TRIM37: variants seen among roughly 807,000 people sequenced by gnomAD.
TRIM37 encodes the protein E3 ubiquitin-protein ligase TRIM37.
TRIM37 carries 80 observed loss-of-function variants against 129.8 expected under a neutral mutation model. The ratio of observed to expected loss-of-function variants is 0.62; its 90% CI spans 0.51 to 0.74. TRIM37 has a LOEUF of 0.74. Ranked by LOEUF, TRIM37 falls within the 30% of genes least tolerant of loss-of-function variation. The pLI is 0.00. For missense variants in TRIM37, 1,054 were observed against 1,176.5 expected, an observed-to-expected ratio of 0.90 and a Z score of 1.52; for synonymous variants, 389 against 387.1, an observed-to-expected ratio of 1.00 and a Z score of -0.06.
At chr17:59,058,356 A>G (rs981928873) in intron 12 of TRIM37, among the ~76,000 whole-genome samples, 14 of 152,182 alleles carry the variant, frequency 9.2e-5, no homozygotes, top group African/African-American at 2.9e-4. Context: ...ACAAAGAAGG[A>G]AACAACAGAC....
At chr17:59,011,579 T>C (rs1183693997) in intron 22 of TRIM37, among the ~76,000 whole-genome samples, 9 of 152,228 alleles carry the variant, frequency 5.9e-5, no homozygotes, top group African/African-American at 1.9e-4. Context: ...CATTCTTTTC[T>C]ACCAATTTAT....
In TRIM37 at chr17:58,991,465, G is replaced by A. The variant is rs535183605; in HGVS notation, c.2891+7916C>T. On this transcript the variant is annotated intron_variant, in intron 24 of 24. Coordinates refer to the TRIM37 transcript ENST00000393066. ...ACAGGAGAATCGCTTCAACCTGGGA[G>A]GTGGAGGTTCCAGTGAGCCGAGATA... is the stretch of plus-strand genomic sequence containing the variant. 7.2e-4 allele frequency among the ~76,000 whole-genome samples: 110 copies of A among 152,226 alleles called. 1 individual carries two copies. Among genetic ancestry groups the A allele is most frequent in the African/African-American group, 2.6e-3 (108 of 41,546 alleles).
At position 59,096,083 on chromosome 17, in the gene TRIM37, A is replaced by T. The variant is rs145496628; in HGVS notation, c.124-4743T>A. Among the ~76,000 whole-genome samples the T allele has an allele frequency of 2.4e-3, 358 of 152,284 alleles. 4 individuals carry two copies. Among genetic ancestry groups the T allele is most frequent in the African/African-American group, 8.2e-3 (342 of 41,542 alleles). ...ATAACAAAAGTCCACTTCTTATGGT[A>T]TGTCTACCAAAGAAAGGGAAAAGCT... On this transcript the variant is annotated intron_variant, in intron 2 of 23. Transcript: ENST00000262294.
At chr17:59,071,985 C>A (rs1045291027) in intron 8 of TRIM37, among the ~76,000 whole-genome samples, 2 of 152,154 alleles carry the variant, frequency 1.3e-5, no homozygotes, top group African/African-American at 4.8e-5. Flanking sequence ...CCCTTTCCTC[C>A]ATAATTTATA....
chr17:59,094,096 C>T (rs1461308710), intron 2 of TRIM37, among the ~76,000 whole-genome samples: 1 of 152,032 alleles, frequency 6.6e-6, no homozygotes, highest in Non-Finnish European at 1.5e-5. Context: ...GGTTTTCCCA[C>T]GTTGGCCAGG....
At chr17:59,077,843 G>A (rs898651892) in intron 7 of TRIM37, among the ~76,000 whole-genome samples, 1 of 146,382 alleles carries the variant, frequency 6.8e-6, no homozygotes, top group Non-Finnish European at 1.5e-5. Context: ...AGTGGCAGAG[G>A]TCAGGTGTGG....
the TRIM37 span, among the ~76,000 whole-genome samples, chr17:58,968,065 G>A: frequency 6.6e-6 from 1 of 152,254 alleles, no homozygotes; most frequent in East Asian, 1.9e-4. Flanking sequence ...GCCTCTCAAA[G>A]TGCTGGAATT....
chr17:58,982,200 G>A (rs2031395625), downstream of TRIM37: 1 of 152,650 alleles, frequency 6.6e-6, no homozygotes, highest in Admixed American at 6.5e-5. Flanking sequence ...GCTTCAGACT[G>A]CAGAGACAGG....
intron 12 of TRIM37, 41 bp downstream of exon 12, chr17:59,060,991 G>C: frequency 2.0e-6 from 3 of 1,489,058 alleles, no homozygotes; most frequent in Non-Finnish European, 2.8e-6. Flanking sequence ...GGGAAGGTAT[G>C]TAAATGCACA....
chr17:58,994,331 C>T (rs1030445156), downstream of TRIM37, among the ~76,000 whole-genome samples: 2 of 152,116 alleles, frequency 1.3e-5, no homozygotes, highest in African/African-American at 4.8e-5. Context: ...CAACAATAGA[C>T]AGAATTTATT....
At chr17:59,047,136 G>A (rs1015802947) in intron 16 of TRIM37, among the ~76,000 whole-genome samples, 3 of 150,280 alleles carry the variant, frequency 2.0e-5, no homozygotes, top group Non-Finnish European at 4.4e-5. Context: ...CTGGGCGACA[G>A]AGCGAGACTC....
At chr17:59,021,284 A>T (rs2036570607) in intron 19 of TRIM37, among the ~76,000 whole-genome samples, 1 of 152,164 alleles carries the variant, frequency 6.6e-6, no homozygotes, top group African/African-American at 2.4e-5. Flanking sequence ...AGTCGCAGCT[A>T]GCTGGGAGGC....
At chr17:58,996,325 C>T (rs1054192046), downstream of TRIM37, among the ~76,000 whole-genome samples, 1 of 151,688 alleles carries the variant, frequency 6.6e-6, no homozygotes, top group African/African-American at 2.4e-5. Context: ...CAAAAATTAG[C>T]CGGGCGTGGT....
intron 21 of TRIM37, among the ~76,000 whole-genome samples, chr17:59,013,166 TAG>T (rs2035512674): frequency 1.3e-5 from 2 of 152,214 alleles, no homozygotes; most frequent in African/African-American, 2.4e-5. Flanking sequence ...TTATTTGAGA[TAG>T]AGTCTCACTC....
At chr17:59,026,928 CTTAATGATTGCTCT>C (rs2037315444) in intron 19 of TRIM37, among the ~76,000 whole-genome samples, 1 of 152,156 alleles carries the variant, frequency 6.6e-6, no homozygotes, top group Non-Finnish European at 1.5e-5. Context: ...TTTCTCCTAC[CTTAATGATTGCTCT>C]TTCAATTTCC....
At chr17:59,051,892 G>A (rs957412621) in intron 13 of TRIM37, among the ~76,000 whole-genome samples, 4 of 151,970 alleles carry the variant, frequency 2.6e-5, no homozygotes, top group Admixed American at 6.6e-5. Flanking sequence ...CACTACGCCC[G>A]GCTAATTTTT....
intron 13 of TRIM37, among the ~76,000 whole-genome samples, chr17:59,054,522 G>C (rs2040649251): frequency 6.6e-6 from 1 of 152,012 alleles, no homozygotes; most frequent in African/African-American, 2.4e-5. Context: ...GGCTGATCTT[G>C]AACTCCTGAC....
chr17:59,072,033 G>C (rs2042414447), intron 8 of TRIM37, among the ~76,000 whole-genome samples: 1 of 152,236 alleles, frequency 6.6e-6, no homozygotes, highest in South Asian at 2.1e-4. Context: ...AGTCTATCTG[G>C]AGATAATCTT....
chr17:59,099,000 T>G (rs1007231505), intron 2 of TRIM37, among the ~76,000 whole-genome samples: 1 of 152,168 alleles, frequency 6.6e-6, no homozygotes, highest in East Asian at 1.9e-4. Flanking sequence ...CTGGCCAACA[T>G]GGTGAAACCC....
Sources: gnomAD v4.1 joint callset for allele counts (sites outside exome capture counted in the v4.1 genomes callset) on GRCh38, gnomAD v4.1.1 for gene constraint, MANE v1.5 for transcripts, NCBI Gene and HGNC (gene_info 2026-07-23, HGNC 2026-07-21) for gene names.